The following CAPN15 variants were observed in gnomAD, a reference collection of about 807,000 sequenced individuals.
CAPN15 encodes the protein calpain-15.
In CAPN15, 53 loss-of-function variants were observed where a neutral mutation model predicts 97.9. The ratio of observed to expected loss-of-function variants is 0.54; its 90% CI spans 0.43 to 0.68. CAPN15 has a LOEUF of 0.68. Ranked by LOEUF, CAPN15 falls within the 30% of genes least tolerant of loss-of-function variation. The probability of loss-of-function intolerance (pLI) is 0.00; values close to 1 mark genes in which losing one functional copy is unlikely to be tolerated. For missense variants in CAPN15, 1,592 were observed against 1,589.8 expected (o/e 1.00, Z -0.02); for synonymous variants, 922 against 722.5 (o/e 1.28, Z -4.43).
Position 548,250 on chromosome 16 carries a change from A to G in CAPN15, c.1412A>G (p.Lys471Arg), listed in dbSNP as rs2034739930. The change falls in exon 4 of 14, where the codon AAG (lysine) becomes AGG (arginine). Residue 471 changes from lysine (K) to arginine (R), a missense_variant. Lys to Arg is a conservative substitution (Grantham distance 26, BLOSUM62 2). Coordinates refer to ENST00000219611, the MANE Select transcript of CAPN15 (RefSeq NM_005632.3). ...QRRQTDEGEA[K>R]ALWENIVAFC... ...CGGCAGACAGACGAGGGCGAGGCCA[A>G]GGCACTCTGGGAGAACATCGTGGCC... is the stretch of plus-strand genomic sequence containing the variant. The G allele has an allele frequency of 6.5e-7, 1 of 1,547,470 alleles. No homozygotes were observed. Among genetic ancestry groups the G allele is most frequent in the Non-Finnish European group, 8.7e-7 (1 of 1,148,274 alleles).
At position 549,852 on chromosome 16, in the gene CAPN15, C is replaced by T; in HGVS notation, c.2066+14C>T. ...TAAGGAGGCTGGGTAAGAGGAGGGG[C>T]ACTGCGTGGTCAGCCGCGTTGGGAG... is the stretch of plus-strand genomic sequence containing the variant. On this transcript the variant is annotated intron_variant, in intron 7 of 13. Transcript: ENST00000219611. The T allele has an allele frequency of 6.4e-7, 1 of 1,553,042 alleles. No individual in the cohort carries two copies. The highest frequency in any genetic ancestry group is 8.7e-7 in the Non-Finnish European group (1 of 1,143,390).
In CAPN15 at chr16:552,986, G is replaced by A. The variant is rs1160496332; in HGVS notation, c.3028G>A (p.Val1010Met). The A allele has an allele frequency of 1.4e-5, 23 of 1,611,172 alleles. No individual in the cohort carries two copies. The highest frequency in any genetic ancestry group is 2.2e-5 in the East Asian group (1 of 44,828). ...VQCDCTDSFN[V>M]VSTRGSLRTQ... Reference sequence around the variant, plus strand: ...GTGTGACTGCACCGACAGCTTCAACGTGGTGTCCACACGCGGCAGCCTGCG... The same window carrying A: ...GTGTGACTGCACCGACAGCTTCAACATGGTGTCCACACGCGGCAGCCTGCG... Residue 1010 changes from valine to methionine, a missense_variant, in exon 13 of 14, where the codon GTG (valine) becomes ATG (methionine). By Grantham distance (21) the Val-to-Met change is conservative. This residue lies in a region of CAPN15 where 644 missense variants were observed against 699.6 expected (regional missense o/e 0.92). Coordinates refer to ENST00000219611, the MANE Select transcript of CAPN15 (RefSeq NM_005632.3). The surrounding 1 kb of genome is among the most constrained non-coding windows in gnomAD (Gnocchi z 6.4).
intron 3 of CAPN15, among the ~76,000 whole-genome samples, chr16:541,789 GC>G (rs2034138147): frequency 6.6e-6 from 1 of 152,270 alleles, no homozygotes; most frequent in Admixed American, 6.5e-5. Context: ...GCCCCAGACG[GC>G]CACTGACCGG....
Position 553,466 on chromosome 16 carries a change from C to T in CAPN15, c.3211C>T (p.Pro1071Ser). 3 of 1,611,468 alleles carry T rather than the reference C, an allele frequency of 1.9e-6. No homozygotes were observed. Among genetic ancestry groups the T allele is most frequent in the Non-Finnish European group, 2.5e-6 (3 of 1,179,328 alleles). ...GACAGCCTCCAAGGGGACCCACAGC[C>T]CCCCACTCACGCCAGAGGTCGCCGG... ...DWTASKGTHS[P>S]PLTPEVAGLH... Residue 1071 changes from proline (P) to serine (S), a missense_variant, in exon 14 of 14, where the codon CCC becomes TCC. Pro to Ser is a moderately conservative substitution (Grantham distance 74). Coordinates refer to ENST00000219611, the MANE Select transcript of CAPN15 (RefSeq NM_005632.3).
In CAPN15 at chr16:554,133, C is replaced by T. The variant is rs185934244; in HGVS notation, c.*617C>T. The T allele has an allele frequency of 2.4e-4, 50 of 211,744 alleles. No individual in the cohort carries two copies. The highest frequency in any genetic ancestry group is 1.1e-3 in the African/African-American group (46 of 43,442). 13.1% of individuals were successfully genotyped at this position (211,744 alleles called of 1,614,324 possible). A position where few individuals can be genotyped will look rare whatever the true frequency, so the allele number is the denominator to read the frequency against. ...GATCGAAGCCATGACTGGGTGCAGG[C>T]GGGCGCCAGGCCCGCTGTGGGTGGG... is the stretch of plus-strand genomic sequence containing the variant. On this transcript the variant is annotated 3_prime_UTR_variant, in exon 14 of 14. Transcript: ENST00000219611.
intron 3 of CAPN15, among the ~76,000 whole-genome samples, chr16:543,559 G>A (rs1161774202): frequency 6.6e-6 from 1 of 152,130 alleles, no homozygotes; most frequent in African/African-American, 2.4e-5. Context: ...CATCCCTGGG[G>A]CCACTCCTGC....
intron 3 of CAPN15, chr16:538,946 C>CT (rs113024162): frequency 0.019 from 2,402 of 127,710 alleles, 51 homozygotes; most frequent in African/African-American, 0.056. Context: ...TTCTTTGGTG[C>CT]TTTTTTTTTT....
chr16:545,614 C>T (rs554960606), intron 3 of CAPN15, among the ~76,000 whole-genome samples: 4 of 152,246 alleles, frequency 2.6e-5, no homozygotes, highest in Non-Finnish European at 4.4e-5. Context: ...AGACACACCC[C>T]GCTGGCGATT....
chr16:532,697 A>G (rs1160151837), intron 1 of CAPN15, among the ~76,000 whole-genome samples: 6 of 151,546 alleles, frequency 4.0e-5, no homozygotes, highest in East Asian at 1.9e-4. Flanking sequence ...CTAAAAATAC[A>G]AAAAAATTAG....
At chr16:537,643 G>A (rs2033821832) in intron 3 of CAPN15, 1 of 169,276 alleles carries the variant, frequency 5.9e-6, no homozygotes, top group East Asian at 1.9e-4. Flanking sequence ...GGCTACAGAA[G>A]GGGAGTGTCG....
rs1371224575 is a variant in CAPN15 at position 532,234 on chromosome 16, C to T, written c.-189-1712C>T. Among the ~76,000 whole-genome samples the T allele has an allele frequency of 2.8e-4, 34 of 123,078 alleles. 1 individual carries two copies. Among genetic ancestry groups the T allele is most frequent in the South Asian group, 1.0e-3 (4 of 3,844 alleles). The allele number at this position is 123,078 out of a possible 152,430, so 80.7% of individuals were successfully genotyped here. A position where few individuals can be genotyped will look rare whatever the true frequency, so the allele number is the denominator to read the frequency against. ...CAGCCTAGGCGACAGAGCTATACTC[C>T]GTCTCAAAAAAAAAAAAAAGAAAAA... is the stretch of plus-strand genomic sequence containing the variant. On this transcript the variant is annotated intron_variant, in intron 1 of 13. Coordinates refer to ENST00000219611, the MANE Select transcript of CAPN15 (RefSeq NM_005632.3).
intron 13 of CAPN15, 76 bp from the exon 14 acceptor site, chr16:553,263 C>T: frequency 1.9e-6 from 2 of 1,051,532 alleles, no homozygotes; most frequent in Non-Finnish European, 2.9e-6. Context: ...CTGCTCCTGC[C>T]CCTGTACAGG....
Position 549,272 on chromosome 16 carries a change from C to G in CAPN15, c.1659-16C>G. On this transcript the variant is annotated splice_polypyrimidine_tract_variant and intron_variant, in intron 5 of 13. Coordinates refer to ENST00000219611, the MANE Select transcript of CAPN15 (RefSeq NM_005632.3). ...CGGCCGCGGTCCCCGCGAGGTCACC[C>G]TGAGGCTCTGCGCAGGTTCCTGAGC... is the stretch of plus-strand genomic sequence containing the variant. The G allele has an allele frequency of 6.4e-7, 1 of 1,573,942 alleles. No individual in the cohort carries two copies. The highest frequency in any genetic ancestry group is 8.6e-7 in the Non-Finnish European group (1 of 1,166,836).
chr16:543,023 T>C (rs544117586), intron 3 of CAPN15, among the ~76,000 whole-genome samples: 110 of 151,884 alleles, frequency 7.2e-4, no homozygotes, highest in East Asian at 3.1e-3. Flanking sequence ...TGCACTCCAG[T>C]GTGGGCGACA....
At chr16:533,716 A>G (rs1475119130) in intron 1 of CAPN15, among the ~76,000 whole-genome samples, 1 of 152,092 alleles carries the variant, frequency 6.6e-6, no homozygotes, top group African/African-American at 2.4e-5. Context: ...GCCTTAAACC[A>G]GGGTAGTGAG....
intron 7 of CAPN15, among the ~76,000 whole-genome samples, chr16:550,981 TTGGTGAGGGTCCCGG>T: frequency 1.8e-5 from 1 of 54,828 alleles, no homozygotes; most frequent in African/African-American, 8.3e-5. Flanking sequence ...GGGTCCCCTG[TTGGTGAGGGTCCCGG>T]TCGGTGAGGG....
intron 3 of CAPN15, among the ~76,000 whole-genome samples, chr16:544,917 G>A (rs1288908251): frequency 1.4e-5 from 2 of 139,328 alleles, no homozygotes; most frequent in East Asian, 2.1e-4. Context: ...CCCTCACGTC[G>A]TCTGCCCTGA....
chr16:539,165 T>C (rs992549737), intron 3 of CAPN15: 1 of 152,324 alleles, frequency 6.6e-6, no homozygotes, highest in Non-Finnish European at 1.5e-5. Flanking sequence ...CTTTGACACT[T>C]ACTTGACCCT....
At chr16:543,375 G>C (rs1037559334) in intron 3 of CAPN15, 2 of 153,874 alleles carry the variant, frequency 1.3e-5, no homozygotes, top group African/African-American at 4.8e-5. Context: ...CGTGGCTCTG[G>C]CTATGGGGAG....
Sources: gnomAD v4.1 joint callset for allele counts (sites outside exome capture counted in the v4.1 genomes callset) on GRCh38, gnomAD v4.1.1 for gene constraint, gnomAD v4.1.1 regional missense constraint, Gnocchi (gnomAD v3.1) non-coding constraint, MANE v1.5 for transcripts, NCBI Gene and HGNC (gene_info 2026-07-23, HGNC 2026-07-21) for gene names.